Variants in HSD17B11 observed in about 807,000 individuals in gnomAD.
The protein encoded by HSD17B11 is hydroxysteroid 17-beta dehydrogenase 11.
HSD17B11 carries 22 observed loss-of-function variants against 27.8 expected under a neutral mutation model. The observed-to-expected ratio is 0.79, with a 90% CI of 0.56 to 1.13. The LOEUF is 1.13. HSD17B11 is among the 50% of genes most tolerant of loss of function. The pLI is 0.00. For missense variants in HSD17B11, 314 were observed against 351.1 expected (o/e 0.89, Z 0.84); for synonymous variants, 117 against 132.8 (o/e 0.88, Z 0.82).
chr4:87,364,895 G>A (rs1418910724), intron 4 of HSD17B11, among the ~76,000 whole-genome samples: 1 of 152,350 alleles, frequency 6.6e-6, no homozygotes, highest in African/African-American at 2.4e-5. Context: ...ATGGTGGGGC[G>A]AGGTGGCTCA....
intron 5 of HSD17B11, among the ~76,000 whole-genome samples, chr4:87,356,242 T>A (rs977924492): frequency 6.6e-6 from 1 of 152,186 alleles, no homozygotes; most frequent in Non-Finnish European, 1.5e-5. Context: ...ATATACCCTT[T>A]GGCCCAGTAA....
At chr4:87,388,552 G>A (rs1720376385) in intron 1 of HSD17B11, among the ~76,000 whole-genome samples, 2 of 152,036 alleles carry the variant, frequency 1.3e-5, no homozygotes, top group Non-Finnish European at 2.9e-5. Flanking sequence ...ATCTCAGTGG[G>A]GCCTTCCTGG....
chr4:87,361,571 T>C (rs1177538447), intron 4 of HSD17B11, among the ~76,000 whole-genome samples: 3 of 151,934 alleles, frequency 2.0e-5, no homozygotes, highest in Non-Finnish European at 4.4e-5. Flanking sequence ...ATCGAGACCA[T>C]CCTGGCTAAC....
At chr4:87,372,013 C>A (rs139865178) in intron 4 of HSD17B11, among the ~76,000 whole-genome samples, 5,034 of 152,126 alleles carry the variant, frequency 0.033, 280 homozygotes, top group African/African-American at 0.12. Context: ...TAGGCCGAGG[C>A]GGGCGGATCA....
rs1297085982 is a variant in HSD17B11, at chr4:87,378,917, TAA to T, written c.318+3336_318+3337del. ...ATAAATATATATAAATATATATATATAAATATATATAAATATATATATATATA... is the reference window on the plus strand; with the variant it reads ...ATAAATATATATAAATATATATATATATATATATAAATATATATATATATA... On this transcript the variant is annotated intron_variant, in intron 2 of 6. Coordinates refer to ENST00000358290, the MANE Select transcript of HSD17B11 (RefSeq NM_016245.5). Among the ~76,000 whole-genome samples the T allele has an allele frequency of 7.6e-3, 106 of 13,996 alleles. 10 individuals are homozygous for T. Among genetic ancestry groups the T allele is most frequent in the African/African-American group, 0.024 (51 of 2,084 alleles). The allele number at this position is 13,996 out of a possible 152,430, so 9.2% of individuals were successfully genotyped here.
chr4:87,389,104 G>C (rs1390910261), intron 1 of HSD17B11, among the ~76,000 whole-genome samples: 1 of 152,132 alleles, frequency 6.6e-6, no homozygotes, highest in African/African-American at 2.4e-5. Flanking sequence ...GAAAACGAAA[G>C]CTCAGATGTG....
In HSD17B11 at chr4:87,337,331, C is replaced by T. The variant is rs9991501; in HGVS notation, c.848G>A (p.Arg283Gln). The change falls in exon 7 of 7, where the codon CGA becomes CAA. Residue 283 changes from arginine to glutamine, a missense_variant. By Grantham distance (43) the Arg-to-Gln change is conservative. Transcript: ENST00000358290. ...TGCATCAAACTTAACACTGATTTTT[C>T]GTTTTAAAACTGCCAGGAAACGCTC... ...LPERFLAVLK[R>Q]KISVKFDAVI... is the part of the protein sequence containing the mutation. 0.032 allele frequency: 50,866 copies of T among 1,602,486 alleles called. 965 individuals are homozygous for T. The highest frequency in any genetic ancestry group is 0.037 in the Non-Finnish European group (43,721 of 1,171,284).
intron 5 of HSD17B11, among the ~76,000 whole-genome samples, chr4:87,346,604 C>G (rs887131245): frequency 1.3e-5 from 2 of 152,162 alleles, no homozygotes; most frequent in African/African-American, 4.8e-5. Context: ...TAGCTGGGAT[C>G]ATGCCACTGC....
intron 5 of HSD17B11, among the ~76,000 whole-genome samples, chr4:87,346,692 A>C (rs1735275451): frequency 1.3e-5 from 2 of 152,142 alleles, no homozygotes; most frequent in Non-Finnish European, 2.9e-5. Context: ...TTGTTGGCCA[A>C]TTTAATGATA....
At chr4:87,380,184 A>G (rs563922945) in intron 2 of HSD17B11, among the ~76,000 whole-genome samples, 4 of 150,818 alleles carry the variant, frequency 2.7e-5, no homozygotes, top group African/African-American at 9.7e-5. Context: ...AAAATATCTG[A>G]TTCTCAGCTT....
Position 87,337,006 on chromosome 4 carries a change from AT to A in HSD17B11, c.*269del. On this transcript the variant is annotated 3_prime_UTR_variant, in exon 7 of 7. Coordinates refer to ENST00000358290, the MANE Select transcript of HSD17B11 (RefSeq NM_016245.5). ...AAAGCCTTCAGGTGAGCCACAAATA[AT>A]CTTGGAAATTATTTTAATAAAGTCA... 3.1e-6 allele frequency: 1 copy of A among 325,918 alleles called. No individual in the cohort carries two copies. The highest frequency in any genetic ancestry group is 5.5e-6 in the Non-Finnish European group (1 of 181,838). 20.2% of individuals were successfully genotyped at this position (325,918 alleles called of 1,614,324 possible). A position where few individuals can be genotyped will look rare whatever the true frequency, so the allele number is the denominator to read the frequency against.
At chr4:87,387,707 T>C (rs1720356611) in intron 1 of HSD17B11, among the ~76,000 whole-genome samples, 1 of 152,222 alleles carries the variant, frequency 6.6e-6, no homozygotes, top group Non-Finnish European at 1.5e-5. Flanking sequence ...TGTTATCATG[T>C]AATTTCATTA....
At chr4:87,369,665 G>C (rs1422283700) in intron 4 of HSD17B11, among the ~76,000 whole-genome samples, 4 of 152,098 alleles carry the variant, frequency 2.6e-5, no homozygotes, top group Non-Finnish European at 5.9e-5. Context: ...GAACTCCTGA[G>C]CTCAAGTGAT....
At chr4:87,371,297 A>G (rs1460434453) in intron 4 of HSD17B11, among the ~76,000 whole-genome samples, 1 of 152,200 alleles carries the variant, frequency 6.6e-6, no homozygotes, top group East Asian at 1.9e-4. Context: ...TGATCACACT[A>G]TAGCTACTAA....
chr4:87,338,186 C>A (rs1356074720), intron 6 of HSD17B11, among the ~76,000 whole-genome samples: 1 of 152,176 alleles, frequency 6.6e-6, no homozygotes, highest in Admixed American at 6.5e-5. Flanking sequence ...CATTGCGCTC[C>A]AGCCTGGGCG....
chr4:87,337,859 T>C (rs1735080410), intron 6 of HSD17B11, among the ~76,000 whole-genome samples: 1 of 152,184 alleles, frequency 6.6e-6, no homozygotes, highest in Non-Finnish European at 1.5e-5. Context: ...TCCTCACGTG[T>C]AAATGGAAAA....
intron 5 of HSD17B11, among the ~76,000 whole-genome samples, chr4:87,355,007 T>TA (rs1348023344): frequency 6.7e-6 from 1 of 149,558 alleles, no homozygotes; most frequent in Non-Finnish European, 1.5e-5. Context: ...ACTGTAGTCC[T>TA]ACTCAGGAGG....
intron 4 of HSD17B11, 24 bp downstream of exon 4, chr4:87,372,685 T>C (rs1363123764): frequency 2.1e-6 from 3 of 1,408,360 alleles, no homozygotes; most frequent in African/African-American, 1.4e-5. Flanking sequence ...TAAGAACCAA[T>C]GAAGGAAACA....
chr4:87,388,247 T>C (rs1158517204), intron 1 of HSD17B11, among the ~76,000 whole-genome samples: 1 of 152,010 alleles, frequency 6.6e-6, no homozygotes, highest in Non-Finnish European at 1.5e-5. Flanking sequence ...ATGTATACTA[T>C]ATAAAAATTA....
Sources: allele counts gnomAD v4.1 joint callset (sites outside exome capture counted in the v4.1 genomes callset), GRCh38; gene constraint gnomAD v4.1.1; transcripts MANE v1.5; gene names NCBI Gene and HGNC (gene_info 2026-07-23, HGNC 2026-07-21).